Variants in CALML4 observed in about 807,000 individuals in gnomAD.
The protein encoded by CALML4 is calmodulin like 4.
CALML4 carries 16 observed loss-of-function variants against 17.9 expected under a neutral mutation model. The observed-to-expected ratio is 0.89, with a 90% CI of 0.61 to 1.36. CALML4 has a LOEUF of 1.36. Among genes scored for constraint, CALML4 ranks in the 40% most tolerant of loss-of-function variants. The pLI is 0.00. For synonymous variants in CALML4, 86 were observed against 71.5 expected (o/e 1.20, Z -1.02); for missense variants, 203 against 194.8 (o/e 1.04, Z -0.25).
At position 68,191,330 on chromosome 15, in the gene CALML4, A is replaced by G. The variant is rs1434232231; in HGVS notation, c.*2685T>C. The G allele has an allele frequency of 6.5e-6, 1 of 152,688 alleles. No individual in the cohort carries two copies. The highest frequency in any genetic ancestry group is 1.9e-4 in the East Asian group (1 of 5,202). The allele number at this position is 152,688 out of a possible 1,614,324, so 9.5% of individuals were successfully genotyped here. A position where few individuals can be genotyped will look rare whatever the true frequency, so the allele number is the denominator to read the frequency against. Reference sequence around the variant, plus strand: ...AAAATGGCTTTTAAAAATGTATAGTAGACAATGTCAGTTTGTATAAAAGTA... The same window carrying G: ...AAAATGGCTTTTAAAAATGTATAGTGGACAATGTCAGTTTGTATAAAAGTA... On this transcript the variant is annotated 3_prime_UTR_variant, in exon 5 of 5. Coordinates refer to ENST00000467889, the MANE Select transcript of CALML4 (RefSeq NM_033429.3).
chr15:68,196,052 G>A (rs919183262), intron 4 of CALML4, among the ~76,000 whole-genome samples: 3 of 152,104 alleles, frequency 2.0e-5, no homozygotes, highest in Non-Finnish European at 2.9e-5. Flanking sequence ...GCTGTTGGGC[G>A]ATTATTTATT....
Position 68,197,710 on chromosome 15 carries a change from C to G in CALML4, c.176-82G>C, listed in dbSNP as rs1286684331. 2 of 1,314,476 alleles carry G rather than the reference C, an allele frequency of 1.5e-6. No individual in the cohort carries two copies. Among genetic ancestry groups the G allele is most frequent in the East Asian group, 2.3e-5 (1 of 42,632 alleles). 81.4% of individuals were successfully genotyped at this position (1,314,476 alleles called of 1,614,324 possible). On this transcript the variant is annotated intron_variant, in intron 3 of 4. Transcript: ENST00000467889. The surrounding 1 kb of genome is among the most constrained non-coding windows in gnomAD (Gnocchi z 4.1). Reference sequence around the variant, plus strand: ...CAGCTGGCCTCCTGCTGGACCTGCACAGCCGGTTCAAGGTCAACTGACCAG... The same window carrying G: ...CAGCTGGCCTCCTGCTGGACCTGCAGAGCCGGTTCAAGGTCAACTGACCAG...
rs1394146017 is a variant in CALML4, at chr15:68,194,055, T to A, written c.422A>T (p.Glu141Val). The A allele has an allele frequency of 1.9e-6, 3 of 1,614,140 alleles. No individual in the cohort carries two copies. In the South Asian group the frequency reaches 3.3e-5, roughly 18 times the overall value. The change falls in exon 5 of 5, where the codon GAA becomes GTA. Residue 141 changes from glutamate to valine, a missense_variant. Coordinates refer to ENST00000467889, the MANE Select transcript of CALML4 (RefSeq NM_033429.3). ...AGGAAGGGTGATCTTGTGGATAAAT[T>A]CATCATACTTCACTTTGCCATTGGG... Reference protein sequence around the residue: ...IEPNGKVKYDEFIHKITLPGR... With the variant: ...IEPNGKVKYDVFIHKITLPGR...
chr15:68,194,705 T>G (rs980751103), intron 4 of CALML4, among the ~76,000 whole-genome samples: 1 of 152,104 alleles, frequency 6.6e-6, no homozygotes, highest in Non-Finnish European at 1.5e-5. Flanking sequence ...TTTATTTTTA[T>G]TTTTTCATGA....
rs375116546 is a variant in CALML4 at position 68,193,899 on chromosome 15, G to A, written c.*116C>T. On this transcript the variant is annotated 3_prime_UTR_variant, in exon 5 of 5. Coordinates refer to ENST00000467889, the MANE Select transcript of CALML4 (RefSeq NM_033429.3). Reference sequence around the variant, plus strand: ...TAGTTAGCCTCTCTTCTATAGTTGGGTAATGTTGTCTTGCCACTGTGTTTG... The same window carrying A: ...TAGTTAGCCTCTCTTCTATAGTTGGATAATGTTGTCTTGCCACTGTGTTTG... 8 of 675,658 alleles carry A rather than the reference G, an allele frequency of 1.2e-5. 1 individual carries two copies. The highest frequency in any genetic ancestry group is 7.2e-5 in the African/African-American group (4 of 55,300). 41.9% of individuals were successfully genotyped at this position (675,658 alleles called of 1,614,324 possible). A position where few individuals can be genotyped will look rare whatever the true frequency, so the allele number is the denominator to read the frequency against.
intron 4 of CALML4, 67 bp from the exon 5 acceptor site, chr15:68,194,179 T>G: frequency 7.7e-7 from 1 of 1,290,810 alleles, no homozygotes; most frequent in Non-Finnish European, 1.1e-6. Context: ...GTGAGTTTTT[T>G]GGGGACTGGA....
intron 4 of CALML4, among the ~76,000 whole-genome samples, chr15:68,194,801 A>G (rs1197486972): frequency 6.6e-6 from 1 of 152,056 alleles, no homozygotes; most frequent in Non-Finnish European, 1.5e-5. Context: ...CAGAGCGAAC[A>G]TCCTCCACAG....
At position 68,193,828 on chromosome 15, in the gene CALML4, T is replaced by TTAAAAATCAATACAAATCTTTTAG; in HGVS notation, c.*186_*187insCTAAAAGATTTGTATTGATTTTTA. Reference sequence around the variant, plus strand: ...TAATAAAATCAATACAAATCTTTTATTAAAGATCTACTCATACCATGGCTG... The same window carrying TTAAAAATCAATACAAATCTTTTAG: ...TAATAAAATCAATACAAATCTTTTATTAAAAATCAATACAAATCTTTTAGTAAAGATCTACTCATACCATGGCTG... On this transcript the variant is annotated 3_prime_UTR_variant, in exon 5 of 5. Transcript: ENST00000467889. 1 of 559,294 alleles carries TTAAAAATCAATACAAATCTTTTAG rather than the reference T, an allele frequency of 1.8e-6. No homozygotes were observed. Among genetic ancestry groups the TTAAAAATCAATACAAATCTTTTAG allele is most frequent in the Non-Finnish European group, 3.2e-6 (1 of 313,602 alleles). The allele number at this position is 559,294 out of a possible 1,614,324, so 34.6% of individuals were successfully genotyped here.
intron 3 of CALML4, among the ~76,000 whole-genome samples, chr15:68,198,833 AATGG>A (rs1269356475): frequency 6.6e-6 from 1 of 151,958 alleles, no homozygotes; most frequent in Non-Finnish European, 1.5e-5. Context: ...TCAAGAACTT[AATGG>A]ATGTAAACCT....
At position 68,199,576 on chromosome 15, in the gene CALML4, C is replaced by T. The variant is rs1278234078; in HGVS notation, c.140G>A (p.Gly47Glu). The change falls in exon 3 of 5, where the codon GGG becomes GAG. Residue 47 changes from glycine to glutamate, a missense_variant. Transcript: ENST00000467889. Reference protein sequence around the residue: ...MRCLGASPTPGEVQRHLQTHG... With the variant: ...MRCLGASPTPEEVQRHLQTHG... ...GGTCTGCAGGTGCCGCTGCACCTCC[C>T]CTGGCGTCGGGCTGGCCCCCAGGCA... 7 of 1,613,798 alleles carry T rather than the reference C, an allele frequency of 4.3e-6. No individual in the cohort carries two copies. Among genetic ancestry groups the T allele is most frequent in the Non-Finnish European group, 5.1e-6 (6 of 1,179,940 alleles).
At chr15:68,195,831 G>A (rs1356990949) in intron 4 of CALML4, among the ~76,000 whole-genome samples, 1 of 152,170 alleles carries the variant, frequency 6.6e-6, no homozygotes, top group Non-Finnish European at 1.5e-5. Flanking sequence ...AGAGATGTAT[G>A]TGAGTCTGGG....
chr15:68,203,012 A>G (rs1192658186), intron 2 of CALML4, among the ~76,000 whole-genome samples: 1 of 151,820 alleles, frequency 6.6e-6, no homozygotes, highest in African/African-American at 2.4e-5. Context: ...ATAGGGTTTC[A>G]CCATGTTGGC....
In CALML4 at chr15:68,197,408, CAACT is replaced by C. The variant is rs2093148744; in HGVS notation, c.364+28_364+31del. On this transcript the variant is annotated intron_variant, in intron 4 of 4. Transcript: ENST00000467889. This position sits in a 1 kb window ranked among gnomAD's most constrained non-coding sequence, Gnocchi z 4.1. ...CTCCTTCCAACTCCCTAACCCCCTC[CAACT>C]GTTGGGAGACAGGACCCAGGCTGTT... is the stretch of plus-strand genomic sequence containing the variant. 1.2e-6 allele frequency: 2 copies of C among 1,602,982 alleles called. No homozygotes were observed. Among genetic ancestry groups the C allele is most frequent in the East Asian group, 4.5e-5 (2 of 44,772 alleles).
Position 68,193,787 on chromosome 15 carries a change from C to T in CALML4, c.*228G>A, listed in dbSNP as rs2093130850. The T allele has an allele frequency of 4.3e-6, 2 of 460,084 alleles. No individual in the cohort carries two copies. The highest frequency in any genetic ancestry group is 3.6e-5 in the East Asian group (1 of 27,904). 28.5% of individuals were successfully genotyped at this position (460,084 alleles called of 1,614,324 possible). On this transcript the variant is annotated 3_prime_UTR_variant, in exon 5 of 5. Coordinates refer to ENST00000467889, the MANE Select transcript of CALML4 (RefSeq NM_033429.3). ...CAGGCTCCTTCCATGCTTGAAAGGG[C>T]CGGACTCACGGTAGTTAATAAAATC... is the stretch of plus-strand genomic sequence containing the variant.
Position 68,197,611 on chromosome 15 carries a change from C to G in CALML4, c.193G>C (p.Asp65His). The change falls in exon 4 of 5, where the codon GAT (aspartate) becomes CAT (histidine). Residue 65 changes from aspartate (D) to histidine (H), a missense_variant. Physicochemically the swap from Asp to His is moderately conservative, Grantham distance 81 (BLOSUM62 -1). Coordinates refer to ENST00000467889, the MANE Select transcript of CALML4 (RefSeq NM_033429.3). This position sits in a 1 kb window ranked among gnomAD's most constrained non-coding sequence, Gnocchi z 4.1. ...ATAATGGTCAGAAAAGTGGAGAAAT[C>G]CAGCTCTCCATTTCCGTCTAGGAAA... The part of the protein sequence containing the change: ...THGIDGNGEL[D>H]FSTFLTIMHM... The G allele has an allele frequency of 6.2e-7, 1 of 1,613,936 alleles. No homozygotes were observed. The highest frequency in any genetic ancestry group is 8.5e-7 in the Non-Finnish European group (1 of 1,179,958).
intron 4 of CALML4, among the ~76,000 whole-genome samples, chr15:68,195,427 A>G (rs2093140092): frequency 6.6e-6 from 1 of 152,212 alleles, no homozygotes. Flanking sequence ...TTCCACAATC[A>G]GCCAGGTGGC....
In CALML4 at chr15:68,192,095, T is replaced by G. The variant is rs2093122978; in HGVS notation, c.*1920A>C. ...CTCATTTATTATATCCAGAACTTGCTCTTCCTGTGCCATCTAAATCATTGG... is the reference window on the plus strand; with the variant it reads ...CTCATTTATTATATCCAGAACTTGCGCTTCCTGTGCCATCTAAATCATTGG... On this transcript the variant is annotated 3_prime_UTR_variant, in exon 5 of 5. Coordinates refer to ENST00000467889, the MANE Select transcript of CALML4 (RefSeq NM_033429.3). 1 of 152,276 alleles carries G rather than the reference T, an allele frequency of 6.6e-6. No homozygotes were observed. The highest frequency in any genetic ancestry group is 2.4e-5 in the African/African-American group (1 of 41,468). 9.4% of individuals were successfully genotyped at this position (152,276 alleles called of 1,614,324 possible).
upstream of CALML4, chr15:68,205,447 G>T (rs539586278): frequency 2.8e-5 from 44 of 1,593,078 alleles, no homozygotes; most frequent in South Asian, 4.4e-4. The surrounding 1 kb of genome is among the most constrained non-coding windows in gnomAD (Gnocchi z 4.8). Context: ...CGCCACCTGG[G>T]CAGGTTGGAT....
rs1284028056 is a variant in CALML4, at chr15:68,197,168, G to A, written c.364+272C>T. On this transcript the variant is annotated intron_variant, in intron 4 of 4. Coordinates refer to ENST00000467889, the MANE Select transcript of CALML4 (RefSeq NM_033429.3). The surrounding 1 kb of genome is among the most constrained non-coding windows in gnomAD (Gnocchi z 4.1). ...AACACAGGGGGAGACCAGACTGCAC[G>A]CTCCAGCTGCCCTGCCTTGTGGGTT... is the stretch of plus-strand genomic sequence containing the variant. Among the ~76,000 whole-genome samples, 2 of 152,126 alleles carry A rather than the reference G, an allele frequency of 1.3e-5. No homozygotes were observed. The highest frequency in any genetic ancestry group is 2.4e-5 in the African/African-American group (1 of 41,444).
Sources: allele counts gnomAD v4.1 joint callset (sites outside exome capture counted in the v4.1 genomes callset), GRCh38; gene constraint gnomAD v4.1.1; non-coding constraint Gnocchi (gnomAD v3.1); transcripts MANE v1.5; gene names NCBI Gene and HGNC (gene_info 2026-07-23, HGNC 2026-07-21).